The following CSMD1 variants were observed in gnomAD, a reference collection of about 807,000 sequenced individuals.
The protein encoded by CSMD1 is CUB and sushi domain-containing protein 1.
Under a neutral mutation model 417.5 loss-of-function variants are expected in CSMD1, and 213 were observed. The observed-to-expected ratio is 0.51, with a 90% confidence interval of 0.46 to 0.57. The LOEUF is 0.57. Ranked by LOEUF, CSMD1 falls within the 20% of genes least tolerant of loss-of-function variation. The pLI, the probability that CSMD1 is intolerant of heterozygous loss-of-function variation, is 0.00. For missense variants in CSMD1, 6,923 were observed against 4,529.7 expected (o/e 1.53, Z -15.17); for synonymous variants, 2,862 against 1,736.8 (o/e 1.65, Z -16.11).
chr8:3,289,747 T>C lies in CSMD1; in HGVS notation c.3951-5401A>G, dbSNP rs1166666937. On this transcript the variant is annotated intron_variant, in intron 25 of 69. Coordinates refer to ENST00000635120, the MANE Select transcript of CSMD1 (RefSeq NM_033225.6). ...ATTAGCCCTTTGTCAGATGAGGAGG[T>C]TGCAATAATTTTCTCCCATTCTGTA... 2.0e-5 allele frequency among the ~76,000 whole-genome samples: 3 copies of C among 147,238 alleles called. 1 individual carries two copies. The highest frequency in any genetic ancestry group is 8.1e-5 in the African/African-American group (3 of 36,992).
intron 3 of CSMD1, among the ~76,000 whole-genome samples, chr8:4,174,831 A>C (rs73510840): frequency 0.065 from 7,903 of 122,458 alleles, 446 homozygotes; most frequent in East Asian, 0.15. Flanking sequence ...TGCCAGAGAA[A>C]TTACACCTTC....
At chr8:3,679,261 C>G (rs1009054419) in intron 7 of CSMD1, among the ~76,000 whole-genome samples, 24 of 152,116 alleles carry the variant, frequency 1.6e-4, no homozygotes, top group African/African-American at 5.3e-4. Context: ...AGAGTCAAGA[C>G]CCATCAGTGT....
chr8:4,842,120 G>T (rs986847252), intron 1 of CSMD1, among the ~76,000 whole-genome samples: 5 of 152,234 alleles, frequency 3.3e-5, no homozygotes, highest in Non-Finnish European at 7.4e-5. Flanking sequence ...AAAGGTGCAA[G>T]GCACCAGCCA....
intron 3 of CSMD1, among the ~76,000 whole-genome samples, chr8:4,200,507 G>T (rs762756955): frequency 6.6e-5 from 10 of 152,142 alleles, no homozygotes; most frequent in Non-Finnish European, 1.3e-4. Flanking sequence ...GGTAAAAAAT[G>T]AGAAATTATT....
At chr8:2,987,492 A>G (rs1179237120) in intron 54 of CSMD1, among the ~76,000 whole-genome samples, 4 of 151,010 alleles carry the variant, frequency 2.6e-5, no homozygotes, top group Non-Finnish European at 5.9e-5. Flanking sequence ...AAAATGCAAT[A>G]AAATCTACAA....
intron 3 of CSMD1, among the ~76,000 whole-genome samples, chr8:4,390,943 A>C (rs1175680775): frequency 6.6e-6 from 1 of 152,202 alleles, no homozygotes; most frequent in East Asian, 1.9e-4. Context: ...CTGCTAATCC[A>C]AAGACACACA....
At chr8:3,483,640 T>C (rs373213946) in intron 11 of CSMD1, among the ~76,000 whole-genome samples, 5 of 152,124 alleles carry the variant, frequency 3.3e-5, no homozygotes, top group South Asian at 4.1e-4. Context: ...ATAATGAAGA[T>C]AGTATTCAAC....
intron 3 of CSMD1, among the ~76,000 whole-genome samples, chr8:4,201,540 C>CAAAAAAAAAAAAAAAAAAAAAAA (rs1157479482): frequency 1.7e-5 from 1 of 59,048 alleles, no homozygotes; most frequent in African/African-American, 7.2e-5. Flanking sequence ...TCTGTCTCCA[C>CAAAAAAAAAAAAAAAAAAAAAAA]AAAAAAAAAA....
chr8:3,357,039 G>C (rs1425335372), intron 21 of CSMD1, among the ~76,000 whole-genome samples: 1 of 152,096 alleles, frequency 6.6e-6, no homozygotes, highest in East Asian at 1.9e-4. Context: ...GTTCTGGAGT[G>C]AGGTGGGGCT....
At chr8:3,114,109 G>A (rs146624658) in intron 42 of CSMD1, among the ~76,000 whole-genome samples, 12 of 152,004 alleles carry the variant, frequency 7.9e-5, no homozygotes, top group East Asian at 5.8e-4. Flanking sequence ...CCATGCATGC[G>A]AGCACATGCC....
chr8:4,802,109 A>G (rs1238051105), intron 1 of CSMD1, among the ~76,000 whole-genome samples: 1 of 152,240 alleles, frequency 6.6e-6, no homozygotes, highest in African/African-American at 2.4e-5. Flanking sequence ...GTCCACAGAC[A>G]GTTTTAAGGC....
chr8:3,111,664 T>C (rs943826657), intron 42 of CSMD1, among the ~76,000 whole-genome samples: 4 of 151,992 alleles, frequency 2.6e-5, no homozygotes, highest in Non-Finnish European at 4.4e-5. Context: ...AAACCCTAAC[T>C]CTACTAAAAA....
At chr8:4,773,799 G>A (rs1339465217) in intron 1 of CSMD1, among the ~76,000 whole-genome samples, 1 of 152,104 alleles carries the variant, frequency 6.6e-6, no homozygotes, top group Non-Finnish European at 1.5e-5. Context: ...TACATGCCAT[G>A]TCATAAATTC....
chr8:3,265,099 G>C (rs1308063929), intron 26 of CSMD1, among the ~76,000 whole-genome samples: 1 of 152,152 alleles, frequency 6.6e-6, no homozygotes, highest in Non-Finnish European at 1.5e-5. Flanking sequence ...TGCTCTTGTA[G>C]CTGGCACCAT....
chr8:4,885,626 CATT>C (rs1206494774), intron 1 of CSMD1, among the ~76,000 whole-genome samples: 1 of 151,808 alleles, frequency 6.6e-6, no homozygotes, highest in Non-Finnish European at 1.5e-5. Context: ...TAGTATATCA[CATT>C]AATAGATTTT....
chr8:4,878,612 G>A (rs549917534), intron 1 of CSMD1, among the ~76,000 whole-genome samples: 8 of 151,938 alleles, frequency 5.3e-5, no homozygotes, highest in African/African-American at 4.8e-5. Context: ...AGTTAGTAGA[G>A]GTGCTGGAAA....
chr8:4,350,960 G>A (rs1312088212), intron 3 of CSMD1, among the ~76,000 whole-genome samples: 4 of 152,188 alleles, frequency 2.6e-5, no homozygotes, highest in South Asian at 2.1e-4. Context: ...GCAAGTCATC[G>A]TTTAAAGCTT....
intron 11 of CSMD1, among the ~76,000 whole-genome samples, chr8:3,489,581 CTTTCT>C (rs1818254264): frequency 6.6e-6 from 1 of 152,148 alleles, no homozygotes; most frequent in African/African-American, 2.4e-5. Context: ...AGTTACTTAA[CTTTCT>C]TTTAAGCCTG....
chr8:3,533,833 G>A (rs916579711), intron 10 of CSMD1, among the ~76,000 whole-genome samples: 9 of 152,056 alleles, frequency 5.9e-5, no homozygotes, highest in African/African-American at 2.2e-4. Context: ...CTCCCAAGTA[G>A]CTGTACAGTT....
Sources: allele counts gnomAD v4.1 joint callset (sites outside exome capture counted in the v4.1 genomes callset), GRCh38; gene constraint gnomAD v4.1.1; transcripts MANE v1.5; gene names NCBI Gene and HGNC (gene_info 2026-07-23, HGNC 2026-07-21).